CYP19A1: variants seen among roughly 807,000 people sequenced by gnomAD.
CYP19A1 encodes the protein cytochrome P450 family 19 subfamily A member 1, also known as aromatase.
In CYP19A1, 32 loss-of-function variants were observed where a neutral mutation model predicts 44.4. The ratio of observed to expected loss-of-function variants is 0.72; its 90% CI spans 0.54 to 0.97. The LOEUF (loss-of-function observed/expected upper bound fraction) is 0.97. CYP19A1 is among the 50% of genes least tolerant of loss of function. The pLI is 0.00. For missense variants in CYP19A1, 598 were observed against 637.8 expected, an observed-to-expected ratio of 0.94 and a Z score of 0.67; for synonymous variants, 212 against 215.6, an observed-to-expected ratio of 0.98 and a Z score of 0.14.
At chr15:51,218,712 C>T in intron 5 of CYP19A1, 57 bp from the exon 6 acceptor site, 1 of 1,566,764 alleles carries the variant, frequency 6.4e-7, no homozygotes, top group African/African-American at 1.4e-5. Flanking sequence ...AAATGTGAGC[C>T]TAAGAAGGTT....
chr15:51,222,189 C>A, intron 5 of CYP19A1, 160 bp downstream of exon 5: 1 of 1,336,910 alleles, frequency 7.5e-7, no homozygotes. Context: ...TATAAGTGAA[C>A]AAAGCAGAAA....
intron 1 of CYP19A1, among the ~76,000 whole-genome samples, chr15:51,291,062 C>A (rs1382091667): frequency 6.6e-6 from 1 of 152,194 alleles, no homozygotes; most frequent in Non-Finnish European, 1.5e-5. Context: ...CACTGAGGTC[C>A]CAGCATGCCA....
At chr15:51,337,363 T>C (rs1462357823) in intron 1 of CYP19A1, among the ~76,000 whole-genome samples, 1 of 152,242 alleles carries the variant, frequency 6.6e-6, no homozygotes, top group Non-Finnish European at 1.5e-5. Flanking sequence ...ATATGGCCCA[T>C]ATCCAACAAT....
intron 1 of CYP19A1, among the ~76,000 whole-genome samples, chr15:51,301,958 T>C (rs935974433): frequency 6.6e-6 from 1 of 152,144 alleles, no homozygotes; most frequent in African/African-American, 2.4e-5. Context: ...CTCCACAAAA[T>C]GTAGAGCTGC....
intron 5 of CYP19A1, among the ~76,000 whole-genome samples, chr15:51,220,764 T>C (rs2032001335): frequency 6.6e-6 from 1 of 152,208 alleles, no homozygotes; most frequent in Non-Finnish European, 1.5e-5. Flanking sequence ...ACTAGCTACT[T>C]GGTTGTACAT....
At chr15:51,306,249 G>A (rs970683453) in intron 1 of CYP19A1, among the ~76,000 whole-genome samples, 3 of 152,188 alleles carry the variant, frequency 2.0e-5, no homozygotes, top group East Asian at 1.9e-4. Flanking sequence ...GTACACACAA[G>A]CACTGCCATT....
At chr15:51,330,970 T>G (rs941372041) in intron 1 of CYP19A1, among the ~76,000 whole-genome samples, 5 of 152,018 alleles carry the variant, frequency 3.3e-5, no homozygotes, top group Non-Finnish European at 7.4e-5. Context: ...GGCGAATGAA[T>G]GAGGGATGAG....
chr15:51,269,979 ACACT>A (rs1326210104), intron 1 of CYP19A1, among the ~76,000 whole-genome samples: 1 of 151,036 alleles, frequency 6.6e-6, no homozygotes, highest in Non-Finnish European at 1.5e-5. Context: ...TAACAAACAC[ACACT>A]GAAATTCTAC....
In CYP19A1 at chr15:51,227,787, A is replaced by G. The variant is rs1369335398; in HGVS notation, c.443T>C (p.Phe148Ser). The change falls in exon 4 of 10, where the codon TTT becomes TCT. Residue 148 changes from phenylalanine to serine, a missense_variant. Transcript: ENST00000396402. Reference protein sequence around the residue: ...PELWKTTRPFFMKALSGPGLV... With the variant: ...PELWKTTRPFSMKALSGPGLV... ...ACTAAGTACCTGCTTACCTTTCATA[A>G]AGAAGGGTCGAGTTGTTTTCCAGAG... The G allele has an allele frequency of 2.0e-6, 3 of 1,509,466 alleles. No individual in the cohort carries two copies. The highest frequency in any genetic ancestry group is 2.8e-6 in the Non-Finnish European group (3 of 1,084,752). 93.5% of individuals were successfully genotyped at this position (1,509,466 alleles called of 1,614,324 possible).
chr15:51,239,722 C>G (rs2033630462), intron 2 of CYP19A1, among the ~76,000 whole-genome samples: 1 of 152,010 alleles, frequency 6.6e-6, no homozygotes, highest in Admixed American at 6.5e-5. Context: ...TACAAAGGCA[C>G]ACGAGGAGCT....
At chr15:51,294,651 C>T (rs1566915864) in intron 1 of CYP19A1, among the ~76,000 whole-genome samples, 83 of 112,584 alleles carry the variant, frequency 7.4e-4, no homozygotes, top group African/African-American at 3.3e-3. Flanking sequence ...GCCCCCCGCC[C>T]GGCCAGCCGC....
chr15:51,293,349 G>A (rs1466720222), intron 1 of CYP19A1, among the ~76,000 whole-genome samples: 1 of 152,164 alleles, frequency 6.6e-6, no homozygotes, highest in Non-Finnish European at 1.5e-5. Context: ...ATTAGCAAGT[G>A]TGAGCTAAGA....
At chr15:51,290,559 A>G (rs1318295672) in intron 1 of CYP19A1, among the ~76,000 whole-genome samples, 1 of 152,200 alleles carries the variant, frequency 6.6e-6, no homozygotes, top group Non-Finnish European at 1.5e-5. Flanking sequence ...CAGGTGATAT[A>G]GGGAGCTTTC....
chr15:51,265,862 T>C (rs1287736763), intron 1 of CYP19A1, among the ~76,000 whole-genome samples: 2 of 152,192 alleles, frequency 1.3e-5, no homozygotes, highest in Non-Finnish European at 2.9e-5. Context: ...CTCTGGTCGT[T>C]ATCTGCCTGC....
chr15:51,281,576 T>G (rs1325455464), intron 1 of CYP19A1, among the ~76,000 whole-genome samples: 2 of 152,134 alleles, frequency 1.3e-5, no homozygotes, highest in Non-Finnish European at 2.9e-5. Flanking sequence ...ACAACCGCCT[T>G]CTTCAGCTGA....
At chr15:51,212,592 G>C in intron 8 of CYP19A1, 31 bp from the exon 9 acceptor site, 1 of 1,354,414 alleles carries the variant, frequency 7.4e-7, no homozygotes, top group Non-Finnish European at 1.1e-6. Context: ...AACAAAGAAG[G>C]TAATGTTAGT....
intron 1 of CYP19A1, among the ~76,000 whole-genome samples, chr15:51,303,325 C>T (rs1309012220): frequency 2.0e-5 from 3 of 152,076 alleles, no homozygotes; most frequent in Admixed American, 6.6e-5. Flanking sequence ...TGACACCCTT[C>T]CAATCATAGC....
At chr15:51,292,136 A>C (rs1246415871) in intron 1 of CYP19A1, among the ~76,000 whole-genome samples, 1 of 152,230 alleles carries the variant, frequency 6.6e-6, no homozygotes, top group African/African-American at 2.4e-5. Flanking sequence ...AGGTGGATGA[A>C]GGTGAAGGAA....
At chr15:51,231,850 C>A (rs1490698567) in intron 3 of CYP19A1, among the ~76,000 whole-genome samples, 1 of 152,040 alleles carries the variant, frequency 6.6e-6, no homozygotes, top group Non-Finnish European at 1.5e-5. Flanking sequence ...AAGAGAATCT[C>A]CACAATCCCC....
Sources: gnomAD v4.1 joint callset for allele counts (sites outside exome capture counted in the v4.1 genomes callset) on GRCh38, gnomAD v4.1.1 for gene constraint, MANE v1.5 for transcripts, NCBI Gene and HGNC (gene_info 2026-07-23, HGNC 2026-07-21) for gene names.